TMEM132C: variants seen among roughly 807,000 people sequenced by gnomAD.
TMEM132C encodes the protein protein phosphatase 1, regulatory subunit 152.
A neutral mutation model predicts 61.4 loss-of-function variants in TMEM132C; 29 were observed. That is an observed-to-expected ratio of 0.47 (90% CI 0.35 to 0.64). The LOEUF (loss-of-function observed/expected upper bound fraction) is 0.64. TMEM132C is among the 30% of genes least tolerant of loss of function. The pLI, the probability that TMEM132C is intolerant of heterozygous loss-of-function variation, is 0.00. For synonymous variants in TMEM132C, 656 were observed against 633.1 expected (o/e 1.04, Z -0.54); for missense variants, 1,408 against 1,476.9 (o/e 0.95, Z 0.76).
Position 128,491,145 on chromosome 12 carries a change from C to T in TMEM132C, c.975-52812C>T, listed in dbSNP as rs186143759. On this transcript the variant is annotated intron_variant, in intron 2 of 8. Transcript: ENST00000435159. ...CAAACAGAAGGTGACAGGCAAGGTG[C>T]TCTGTAGACAAACAGAACAAACTGC... is the stretch of plus-strand genomic sequence containing the variant. 2.6e-5 allele frequency among the ~76,000 whole-genome samples: 4 copies of T among 152,274 alleles called. No individual in the cohort carries two copies. In the East Asian group the frequency reaches 7.7e-4, roughly 29 times the overall value.
At chr12:128,562,992 C>T (rs965805075) in intron 3 of TMEM132C, among the ~76,000 whole-genome samples, 1 of 152,212 alleles carries the variant, frequency 6.6e-6, no homozygotes, top group Non-Finnish European at 1.5e-5. Context: ...GGGAGAGGGA[C>T]AAAGGGTAAG....
At chr12:128,519,521 G>A (rs767429662) in intron 2 of TMEM132C, among the ~76,000 whole-genome samples, 1 of 152,070 alleles carries the variant, frequency 6.6e-6, no homozygotes, top group Non-Finnish European at 1.5e-5. Flanking sequence ...CCAGGCTAAA[G>A]GAAAAAATGG....
intron 1 of TMEM132C, among the ~76,000 whole-genome samples, chr12:128,324,005 C>T (rs536251916): frequency 6.6e-6 from 1 of 152,280 alleles, no homozygotes; most frequent in South Asian, 2.1e-4. Context: ...AAAATGCAGT[C>T]GTTTCAATAA....
chr12:128,328,229 A>G (rs916992091), intron 1 of TMEM132C, among the ~76,000 whole-genome samples: 2 of 152,208 alleles, frequency 1.3e-5, no homozygotes, highest in Non-Finnish European at 2.9e-5. Flanking sequence ...AAACTTTAAT[A>G]TCATAGACAT....
chr12:128,474,642 G>T (rs893267757), intron 2 of TMEM132C, among the ~76,000 whole-genome samples: 4 of 152,160 alleles, frequency 2.6e-5, no homozygotes, highest in Non-Finnish European at 4.4e-5. Context: ...CGATGAGAAC[G>T]TTCATTGAAG....
At chr12:128,357,651 T>G (rs1224957203) in intron 1 of TMEM132C, among the ~76,000 whole-genome samples, 9 of 143,340 alleles carry the variant, frequency 6.3e-5, no homozygotes, top group Non-Finnish European at 1.3e-4. Context: ...GCCGAGATCA[T>G]GCCACTGCAC....
chr12:128,612,935 T>C (rs1876682958), intron 3 of TMEM132C, among the ~76,000 whole-genome samples: 1 of 152,108 alleles, frequency 6.6e-6, no homozygotes, highest in African/African-American at 2.4e-5. Flanking sequence ...CATGCCTCTT[T>C]CCTCCCTGCA....
At chr12:128,515,159 C>T (rs961100726) in intron 2 of TMEM132C, among the ~76,000 whole-genome samples, 1 of 152,234 alleles carries the variant, frequency 6.6e-6, no homozygotes, top group African/African-American at 2.4e-5. Context: ...GAATCACGTT[C>T]TCCCCTACAT....
At chr12:128,340,246 T>A (rs549090239) in intron 1 of TMEM132C, among the ~76,000 whole-genome samples, 1 of 152,076 alleles carries the variant, frequency 6.6e-6, no homozygotes, top group Non-Finnish European at 1.5e-5. Context: ...TTGAAAATGT[T>A]TTTTTCCCCT....
In TMEM132C at chr12:128,497,630, C is replaced by A. The variant is rs545321926; in HGVS notation, c.975-46327C>A. Among the ~76,000 whole-genome samples the A allele has an allele frequency of 7.9e-4, 121 of 152,322 alleles. 1 individual carries two copies. The highest frequency in any genetic ancestry group is 2.7e-3 in the African/African-American group (113 of 41,562). ...TCCGTGGGCATGGGACCCTCTGAGC[C>A]AGGTGCGGGATATAATCTCCTGGTG... On this transcript the variant is annotated intron_variant, in intron 2 of 8. Coordinates refer to ENST00000435159, the MANE Select transcript of TMEM132C (RefSeq NM_001136103.3).
At chr12:128,684,108 G>A (rs909348281) in intron 5 of TMEM132C, among the ~76,000 whole-genome samples, 1 of 152,114 alleles carries the variant, frequency 6.6e-6, no homozygotes, top group Non-Finnish European at 1.5e-5. Flanking sequence ...ACCATTCTCA[G>A]TCATGTTTTC....
chr12:128,445,745 A>G (rs564706712), intron 2 of TMEM132C, among the ~76,000 whole-genome samples: 3 of 152,204 alleles, frequency 2.0e-5, no homozygotes, highest in Non-Finnish European at 2.9e-5. Flanking sequence ...CACTTGCTGA[A>G]AAGTCTGCGG....
chr12:128,489,828 G>A (rs2136099400), intron 2 of TMEM132C, among the ~76,000 whole-genome samples: 1 of 152,172 alleles, frequency 6.6e-6, no homozygotes, highest in East Asian at 1.9e-4. Flanking sequence ...TTCTATTAAA[G>A]AGCCACCAAC....
At position 128,346,572 on chromosome 12, in the gene TMEM132C, T is replaced by C. The variant is rs150890555; in HGVS notation, c.86-68160T>C. Among the ~76,000 whole-genome samples the C allele has an allele frequency of 7.8e-3, 1,192 of 152,288 alleles. 15 individuals carry two copies. Among genetic ancestry groups the C allele is most frequent in the African/African-American group, 0.027 (1,126 of 41,554 alleles). On this transcript the variant is annotated intron_variant, in intron 1 of 8. Coordinates refer to ENST00000435159, the MANE Select transcript of TMEM132C (RefSeq NM_001136103.3). ...TTTTAACATTTGTGTCATCTCTAAT[T>C]TTTTTGAGGACTGTTTTGTAGTTCT... is the stretch of plus-strand genomic sequence containing the variant.
chr12:128,469,556 A>G (rs1870861675), intron 2 of TMEM132C, among the ~76,000 whole-genome samples: 1 of 151,914 alleles, frequency 6.6e-6, no homozygotes, highest in African/African-American at 2.4e-5. Flanking sequence ...AACTCGAGAG[A>G]TACACCCAGC....
chr12:128,518,744 G>A (rs950804427), intron 2 of TMEM132C, among the ~76,000 whole-genome samples: 9 of 151,400 alleles, frequency 5.9e-5, no homozygotes, highest in Admixed American at 2.0e-4. Context: ...ATGTGTGTGC[G>A]TGTGTGTGTG....
intron 1 of TMEM132C, among the ~76,000 whole-genome samples, chr12:128,269,210 G>A (rs1241471684): frequency 6.6e-6 from 1 of 152,178 alleles, no homozygotes; most frequent in East Asian, 1.9e-4. Flanking sequence ...CTTTGCAGAG[G>A]AAGGCGGTGC....
At chr12:128,419,889 G>T (rs940886362) in intron 2 of TMEM132C, among the ~76,000 whole-genome samples, 1 of 152,054 alleles carries the variant, frequency 6.6e-6, no homozygotes, top group Non-Finnish European at 1.5e-5. Context: ...CTAGTTAGGG[G>T]AGATAAAAAT....
chr12:128,543,899 G>T (rs982912222), intron 2 of TMEM132C, 58 bp from the exon 3 acceptor site: 4 of 1,513,408 alleles, frequency 2.6e-6, no homozygotes, highest in African/African-American at 1.4e-5. Context: ...AGCTGGGCAC[G>T]TTGGAAAGGC....
Sources: allele counts gnomAD v4.1 joint callset (sites outside exome capture counted in the v4.1 genomes callset), GRCh38; gene constraint gnomAD v4.1.1; transcripts MANE v1.5; gene names NCBI Gene and HGNC (gene_info 2026-07-23, HGNC 2026-07-21).